Variants in KIF6 observed in about 807,000 individuals in gnomAD.
KIF6 encodes the protein kinesin-like protein KIF6.
In KIF6, 106 loss-of-function variants were observed where a neutral mutation model predicts 112.7. The observed-to-expected ratio is 0.94, with a 90% CI of 0.80 to 1.11. The LOEUF (loss-of-function observed/expected upper bound fraction) is 1.11, where lower values mean the gene tolerates loss of function less well. KIF6 is among the 50% of genes least tolerant of loss of function. The pLI is 0.00. For synonymous variants in KIF6, 339 were observed against 339.9 expected (o/e 1.00, Z 0.03); for missense variants, 929 against 964.0 (o/e 0.96, Z 0.48).
intron 5 of KIF6, among the ~76,000 whole-genome samples, chr6:39,628,246 G>A (rs1360383951): frequency 2.1e-5 from 3 of 140,670 alleles, no homozygotes; most frequent in African/African-American, 5.2e-5. Context: ...ACTCATTTAC[G>A]TGTGTGTGTG....
intron 15 of KIF6, among the ~76,000 whole-genome samples, chr6:39,391,093 T>G (rs942447271): frequency 6.6e-6 from 1 of 152,210 alleles, no homozygotes; most frequent in African/African-American, 2.4e-5. Flanking sequence ...AGTCAGGAAC[T>G]ACCTCTTCTC....
At position 39,346,532 on chromosome 6, in the gene KIF6, A is replaced by AAAAAT; in HGVS notation, c.2181-11_2181-7dup. On this transcript the variant is annotated splice_region_variant and splice_polypyrimidine_tract_variant and intron_variant, in intron 19 of 22. Transcript: ENST00000287152. ...GGACTTCCCAGCCTCCAGAACTGTG[A>AAAAAT]AAAATAAACGTTTGTTGTTTGAGCC... 1 of 708,414 alleles carries AAAAAT rather than the reference A, an allele frequency of 1.4e-6. No individual in the cohort carries two copies. The highest frequency in any genetic ancestry group is 2.6e-6 in the Non-Finnish European group (1 of 384,188). The allele number at this position is 708,414 out of a possible 1,614,324, so 43.9% of individuals were successfully genotyped here. A position where few individuals can be genotyped will look rare whatever the true frequency, so the allele number is the denominator to read the frequency against.
At chr6:39,670,631 T>C (rs1214949849) in intron 3 of KIF6, among the ~76,000 whole-genome samples, 3 of 151,980 alleles carry the variant, frequency 2.0e-5, no homozygotes, top group East Asian at 3.9e-4. Context: ...TGGGAGAAAA[T>C]GGAAGTAAAT....
chr6:39,590,451 A>ATTTTTTTTT (rs58169713), intron 7 of KIF6, among the ~76,000 whole-genome samples: 7 of 84,752 alleles, frequency 8.3e-5, no homozygotes, highest in African/African-American at 3.6e-4. Context: ...ATATATATAT[A>ATTTTTTTTT]TTTTTTTTTT....
chr6:39,510,872 CAAAAAAAA>C (rs1180631310), intron 13 of KIF6, among the ~76,000 whole-genome samples: 6 of 23,870 alleles, frequency 2.5e-4, no homozygotes, highest in East Asian at 2.2e-3. Context: ...AAATGGGAAG[CAAAAAAAA>C]AAAAAAAAAA....
intron 13 of KIF6, among the ~76,000 whole-genome samples, chr6:39,471,830 GA>G (rs1774131857): frequency 6.6e-6 from 1 of 152,160 alleles, no homozygotes; most frequent in Non-Finnish European, 1.5e-5. Context: ...ACCTTCTGAA[GA>G]ATGAATAAAC....
intron 3 of KIF6, among the ~76,000 whole-genome samples, chr6:39,650,701 A>G (rs1785423412): frequency 1.3e-5 from 2 of 152,088 alleles, no homozygotes; most frequent in Non-Finnish European, 2.9e-5. Context: ...AAACCACAAA[A>G]TTTTATACAA....
chr6:39,597,257 T>G (rs1414046979), intron 6 of KIF6, among the ~76,000 whole-genome samples: 1 of 152,120 alleles, frequency 6.6e-6, no homozygotes, highest in Non-Finnish European at 1.5e-5. Flanking sequence ...TCAAATAAAA[T>G]GAAAAGTAAT....
At chr6:39,713,028 A>C (rs1050967025) in intron 3 of KIF6, among the ~76,000 whole-genome samples, 1 of 152,188 alleles carries the variant, frequency 6.6e-6, no homozygotes, top group African/African-American at 2.4e-5. Flanking sequence ...CGGAGGTGCA[A>C]TTTTAAATAA....
chr6:39,364,501 T>G (rs915667956), intron 16 of KIF6, among the ~76,000 whole-genome samples: 1 of 152,162 alleles, frequency 6.6e-6, no homozygotes, highest in East Asian at 1.9e-4. Flanking sequence ...TTATCTTAAG[T>G]GTGAAGGCTA....
intron 10 of KIF6, among the ~76,000 whole-genome samples, chr6:39,557,335 T>C (rs577266264): frequency 9.1e-4 from 138 of 152,270 alleles, no homozygotes; most frequent in African/African-American, 3.2e-3. Context: ...TCTGTATTAA[T>C]TGAAGATGGG....
At chr6:39,363,930 T>C (rs1286296911) in intron 16 of KIF6, among the ~76,000 whole-genome samples, 1 of 152,190 alleles carries the variant, frequency 6.6e-6, no homozygotes, top group African/African-American at 2.4e-5. Context: ...GTGCATTTCA[T>C]GGCGGACAGC....
intron 3 of KIF6, among the ~76,000 whole-genome samples, chr6:39,658,798 C>G (rs1785955221): frequency 6.6e-6 from 1 of 152,198 alleles, no homozygotes. Context: ...AAGGTCTTCA[C>G]ACAGGGGGCA....
intron 1 of KIF6, among the ~76,000 whole-genome samples, chr6:39,723,565 T>C (rs774495155): frequency 6.6e-6 from 1 of 152,014 alleles, no homozygotes; most frequent in Non-Finnish European, 1.5e-5. Context: ...TATGCAGCCA[T>C]AAAAAAGGAT....
At chr6:39,376,780 G>A (rs1766472523) in intron 16 of KIF6, among the ~76,000 whole-genome samples, 1 of 152,154 alleles carries the variant, frequency 6.6e-6, no homozygotes, top group South Asian at 2.1e-4. Flanking sequence ...TGGACTATCT[G>A]ACTTTGGAAA....
At chr6:39,389,608 TG>T (rs771817503) in intron 15 of KIF6, among the ~76,000 whole-genome samples, 141 of 152,320 alleles carry the variant, frequency 9.3e-4, no homozygotes, top group Non-Finnish European at 1.6e-3. Flanking sequence ...CCATCAGGGA[TG>T]GTTTGCTTTC....
At position 39,596,080 on chromosome 6, in the gene KIF6, T is replaced by G. The variant is rs1561847878; in HGVS notation, c.820A>C (p.Asn274His). Residue 274 changes from asparagine (N) to histidine (H), a missense_variant, in exon 7 of 23, where the codon AAC becomes CAC. Asn to His is a moderately conservative substitution (Grantham distance 68). Transcript: ENST00000287152. ...GHLLTEAKYI[N>H]LSLHYLEQVI... ...TGTTCTAAGTAATGTAGTGACAAGT[T>G]GATATACTTGGCCTCTGTTAGAAGA... 1 of 1,613,958 alleles carries G rather than the reference T, an allele frequency of 6.2e-7. No homozygotes were observed.
chr6:39,345,889 C>A, intron 20 of KIF6, 100 bp from the exon 21 acceptor site: 1 of 801,640 alleles, frequency 1.2e-6, no homozygotes, highest in Non-Finnish European at 2.0e-6. Context: ...TGAATGTGTC[C>A]TCTCAAAATC....
chr6:39,449,100 C>T (rs555545897), intron 13 of KIF6, among the ~76,000 whole-genome samples: 1 of 152,348 alleles, frequency 6.6e-6, no homozygotes, highest in South Asian at 2.1e-4. Flanking sequence ...TTTAGCCTAA[C>T]CCAAGTCGTT....
Sources: gnomAD v4.1 joint callset for allele counts (sites outside exome capture counted in the v4.1 genomes callset) on GRCh38, gnomAD v4.1.1 for gene constraint, MANE v1.5 for transcripts, NCBI Gene and HGNC (gene_info 2026-07-23, HGNC 2026-07-21) for gene names.